NUDT6: variants seen among roughly 807,000 people sequenced by gnomAD.
NUDT6 encodes the protein nudix hydrolase 6, also known as FAD diphosphatase NUDT6.
In NUDT6, 24 loss-of-function variants were observed where a neutral mutation model predicts 36.8. The observed-to-expected ratio is 0.65, with a 90% confidence interval of 0.47 to 0.92. The LOEUF (loss-of-function observed/expected upper bound fraction) is 0.92. Ranked by LOEUF, NUDT6 falls within the 40% of genes least tolerant of loss-of-function variation. The pLI, the probability that NUDT6 is intolerant of heterozygous loss-of-function variation, is 0.00. For missense variants in NUDT6, 388 were observed against 392.8 expected (o/e 0.99, Z 0.10); for synonymous variants, 163 against 157.0 (o/e 1.04, Z -0.29).
chr4:122,905,114 C>T (rs1560769674), intron 3 of NUDT6, among the ~76,000 whole-genome samples: 1 of 152,144 alleles, frequency 6.6e-6, no homozygotes, highest in African/African-American at 2.4e-5. Context: ...CCATGTCCTG[C>T]TGATTGGTCC....
chr4:122,892,621 G>T lies in NUDT6; in HGVS notation c.*207C>A, dbSNP rs780912676. 7.0e-7 allele frequency: 1 copy of T among 1,430,846 alleles called. No individual in the cohort carries two copies. The highest frequency in any genetic ancestry group is 2.9e-5 in the Admixed American group (1 of 34,430). The allele number at this position is 1,430,846 out of a possible 1,614,324, so 88.6% of individuals were successfully genotyped here. A position where few individuals can be genotyped will look rare whatever the true frequency, so the allele number is the denominator to read the frequency against. ...TTTATATTGCATCTGCTGTTACCCA[G>T]TGAAGCTTACCTAGAGCAATGATCT... On this transcript the variant is annotated 3_prime_UTR_variant, in exon 5 of 5. Coordinates refer to ENST00000304430, the MANE Select transcript of NUDT6 (RefSeq NM_007083.5).
At chr4:122,922,081 G>C (rs72674962) in intron 1 of NUDT6, 4 of 402,386 alleles carry the variant, frequency 9.9e-6, no homozygotes. Context: ...TCGCACAGTA[G>C]AAAGTGGACC....
At chr4:122,893,746 T>C (rs1170268867) in intron 4 of NUDT6, 1 of 152,272 alleles carries the variant, frequency 6.6e-6, no homozygotes, top group Non-Finnish European at 1.5e-5. Context: ...TGCAAATTTG[T>C]GTGGCAGGAT....
At chr4:122,912,664 T>G (rs751967679) in intron 2 of NUDT6, 41 bp from the exon 3 acceptor site, 1 of 1,245,076 alleles carries the variant, frequency 8.0e-7, no homozygotes, top group Non-Finnish European at 1.2e-6. Flanking sequence ...AAATATTAAT[T>G]TCATTCACCT....
At chr4:122,914,558 C>G (rs79010765) in intron 2 of NUDT6, among the ~76,000 whole-genome samples, 1 of 152,238 alleles carries the variant, frequency 6.6e-6, no homozygotes, top group South Asian at 2.1e-4. Flanking sequence ...TGTGCTTCAA[C>G]GTACATTAGC....
rs17006315 is a variant in NUDT6, at chr4:122,917,854, A to C, written c.239-150T>G. On this transcript the variant is annotated intron_variant, in intron 1 of 4. Transcript: ENST00000304430. Reference sequence around the variant, plus strand: ...TGTTCACATCGCTGGCACTGGAAGTACCATGTTTTATAGTAACCACCTTGT... The same window carrying C: ...TGTTCACATCGCTGGCACTGGAAGTCCCATGTTTTATAGTAACCACCTTGT... 4.2e-3 allele frequency: 2,704 copies of C among 643,032 alleles called. 51 individuals carry two copies. Among genetic ancestry groups the C allele is most frequent in the African/African-American group, 0.041 (2,236 of 54,750 alleles). 39.8% of individuals were successfully genotyped at this position (643,032 alleles called of 1,614,324 possible). A position where few individuals can be genotyped will look rare whatever the true frequency, so the allele number is the denominator to read the frequency against.
intron 4 of NUDT6, 52 bp downstream of exon 4, chr4:122,897,572 C>T (rs746258608): frequency 1.3e-5 from 16 of 1,240,734 alleles, no homozygotes; most frequent in Non-Finnish European, 1.8e-5. Context: ...AAAGTAAACA[C>T]ATTAATTTCC....
At chr4:122,910,613 C>T (rs1251808257) in intron 3 of NUDT6, among the ~76,000 whole-genome samples, 3 of 152,034 alleles carry the variant, frequency 2.0e-5, no homozygotes, top group Non-Finnish European at 4.4e-5. Context: ...ATTTAAAAAA[C>T]CTTCATGGTT....
At chr4:122,897,101 T>C (rs1727384173) in intron 4 of NUDT6, 1 of 152,426 alleles carries the variant, frequency 6.6e-6, no homozygotes, top group South Asian at 2.1e-4. Flanking sequence ...TATGACATTT[T>C]ACTATGTTTT....
chr4:122,902,890 A>G (rs1365912795), intron 3 of NUDT6, among the ~76,000 whole-genome samples: 3 of 152,196 alleles, frequency 2.0e-5, no homozygotes, highest in African/African-American at 4.8e-5. Context: ...TGCAAAAAAC[A>G]CTTGACATTA....
chr4:122,904,860 A>G (rs1339468824), intron 3 of NUDT6, among the ~76,000 whole-genome samples: 1 of 152,196 alleles, frequency 6.6e-6, no homozygotes, highest in Admixed American at 6.5e-5. Flanking sequence ...TATACAGCAC[A>G]TAGTGTGTCT....
chr4:122,892,858 C>A lies in NUDT6; in HGVS notation c.921G>T (p.Glu307Asp), dbSNP rs1327621976. ...FYKLYHKELPENYKTMKGID is the reference protein window; with the variant it reads ...FYKLYHKELPDNYKTMKGID ...CAATTCCTTTCATAGTTTTATAATTCTCTGGCAGTTCCTTATGATAGAGTT... is the reference window on the plus strand; with the variant it reads ...CAATTCCTTTCATAGTTTTATAATTATCTGGCAGTTCCTTATGATAGAGTT... The change falls in exon 5 of 5, where the codon GAG becomes GAT. Residue 307 changes from glutamate to aspartate, a missense_variant. By Grantham distance (45) the Glu-to-Asp change is conservative. Coordinates refer to ENST00000304430, the MANE Select transcript of NUDT6 (RefSeq NM_007083.5). 1.2e-6 allele frequency: 2 copies of A among 1,607,450 alleles called. No homozygotes were observed. The highest frequency in any genetic ancestry group is 1.7e-5 in the Admixed American group (1 of 59,322).
chr4:122,903,719 G>A (rs1727567111), intron 3 of NUDT6, among the ~76,000 whole-genome samples: 1 of 152,150 alleles, frequency 6.6e-6, no homozygotes, highest in Non-Finnish European at 1.5e-5. Flanking sequence ...CTTAATGTGG[G>A]CCTTCTGTGT....
chr4:122,900,669 T>G (rs1308265828), intron 3 of NUDT6, among the ~76,000 whole-genome samples: 1 of 152,052 alleles, frequency 6.6e-6, no homozygotes, highest in Non-Finnish European at 1.5e-5. Context: ...CACTAATCCT[T>G]AGTGACTGTC....
intron 3 of NUDT6, among the ~76,000 whole-genome samples, chr4:122,900,607 G>C (rs545067605): frequency 1.3e-5 from 2 of 151,810 alleles, no homozygotes; most frequent in East Asian, 1.9e-4. Context: ...ATCCAGGCAG[G>C]CTGGTTCTAA....
chr4:122,906,077 C>T (rs914090536), intron 3 of NUDT6, among the ~76,000 whole-genome samples: 17 of 152,098 alleles, frequency 1.1e-4, no homozygotes, highest in African/African-American at 4.1e-4. Context: ...CGCAGGATCC[C>T]CACTCTTTTC....
At chr4:122,910,405 T>G (rs74856975) in intron 3 of NUDT6, among the ~76,000 whole-genome samples, 6,734 of 152,264 alleles carry the variant, frequency 0.044, 476 homozygotes, top group African/African-American at 0.15. Context: ...AACATTAACA[T>G]ACCCAAGTTT....
At chr4:122,893,463 G>A in intron 4 of NUDT6, 1 of 394,856 alleles carries the variant, frequency 2.5e-6, no homozygotes, top group Non-Finnish European at 4.5e-6. Flanking sequence ...GCTACTTGGA[G>A]GCTTATCTAC....
intron 3 of NUDT6, among the ~76,000 whole-genome samples, chr4:122,909,161 G>C (rs1335984826): frequency 6.6e-6 from 1 of 151,734 alleles, no homozygotes; most frequent in Non-Finnish European, 1.5e-5. Context: ...GACCTTCCAG[G>C]CTCAAATAAT....
Sources: gnomAD v4.1 joint callset for allele counts (sites outside exome capture counted in the v4.1 genomes callset) on GRCh38, gnomAD v4.1.1 for gene constraint, MANE v1.5 for transcripts, NCBI Gene and HGNC (gene_info 2026-07-23, HGNC 2026-07-21) for gene names.